The following HDX variants were observed in gnomAD, a reference collection of about 807,000 sequenced individuals.
HDX encodes chromosome X open reading frame 43.
In HDX, 19 loss-of-function variants were observed where a neutral mutation model predicts 45.2. The ratio of observed to expected loss-of-function variants is 0.42; its 90% CI spans 0.29 to 0.62. The LOEUF is 0.62. Ranked by LOEUF, HDX falls within the 20% of genes least tolerant of loss-of-function variation. The probability of loss-of-function intolerance (pLI) is 0.20; values close to 1 mark genes in which losing one functional copy is unlikely to be tolerated. For missense variants in HDX, 532 were observed against 493.9 expected, an observed-to-expected ratio of 1.08 and a Z score of -0.73; for synonymous variants, 188 against 172.8, an observed-to-expected ratio of 1.09 and a Z score of -0.69.
In HDX at chrX:84,347,443, T is replaced by C. The variant is rs111399986; in HGVS notation, c.1453-2986A>G. Among the ~76,000 whole-genome samples, 872 of 111,539 alleles carry C rather than the reference T, an allele frequency of 7.8e-3. 6 individuals carry two copies. Among genetic ancestry groups the C allele is most frequent in the African/African-American group, 0.027 (818 of 30,763 alleles). ...TTTCTAATGTATACATTAGGATAAA[T>C]TTTGCTCTCAGCACTACTTATCTGC... On this transcript the variant is annotated intron_variant, in intron 6 of 10. Coordinates refer to ENST00000373177, the MANE Select transcript of HDX (RefSeq NM_001177479.2).
At chrX:84,368,816 G>A (rs149858860) in intron 5 of HDX, among the ~76,000 whole-genome samples, 1,670 of 110,905 alleles carry the variant, frequency 0.015, 31 homozygotes, top group African/African-American at 0.052. Context: ...TTACCGGGGA[G>A]GAGGGTTTCA....
intron 5 of HDX, among the ~76,000 whole-genome samples, chrX:84,372,526 G>A (rs145565439): frequency 9.0e-6 from 1 of 111,637 alleles, no homozygotes; most frequent in African/African-American, 3.3e-5. Flanking sequence ...GTTTGACCAA[G>A]GATTCTGTAA....
chrX:84,391,081 A>G (rs1339962377), intron 5 of HDX, among the ~76,000 whole-genome samples: 2 of 111,797 alleles, frequency 1.8e-5, no homozygotes, highest in Admixed American at 9.5e-5. Context: ...GTATATTTGT[A>G]TCCATTAATA....
chrX:84,487,471 T>TA (rs200152966), intron 2 of HDX, among the ~76,000 whole-genome samples: 1,583 of 112,512 alleles, frequency 0.014, 9 homozygotes, highest in Non-Finnish European at 0.023. Context: ...ATACTTTTTT[T>TA]AAAAAACTTC....
chrX:84,367,254 T>C (rs957143993), intron 5 of HDX, among the ~76,000 whole-genome samples: 2 of 112,103 alleles, frequency 1.8e-5, no homozygotes, highest in Non-Finnish European at 3.8e-5. Flanking sequence ...TAAAAAAAGC[T>C]CATCATCACT....
At chrX:84,368,261 TA>T (rs1476141537) in intron 5 of HDX, among the ~76,000 whole-genome samples, 1 of 111,866 alleles carries the variant, frequency 8.9e-6, no homozygotes, top group Non-Finnish European at 1.9e-5. Flanking sequence ...TCTTTATTTT[TA>T]AAATTTCTAT....
intron 5 of HDX, among the ~76,000 whole-genome samples, chrX:84,432,852 A>G (rs1455778329): frequency 1.8e-5 from 2 of 110,696 alleles, no homozygotes; most frequent in Non-Finnish European, 3.8e-5. Flanking sequence ...CAGGACTTCC[A>G]GCACTATGTT....
rs1352840380 is a variant in HDX, at chrX:84,319,649, G to A, written c.*2240C>T. ...TTCTATTTTGATGAAATGTTAAACA[G>A]AGACAAAAAGATCATCTATGCTTTC... On this transcript the variant is annotated 3_prime_UTR_variant, in exon 11 of 11. Transcript: ENST00000373177. 1 of 111,315 alleles carries A rather than the reference G, an allele frequency of 9.0e-6. No individual in the cohort carries two copies. The highest frequency in any genetic ancestry group is 1.9e-5 in the Non-Finnish European group (1 of 52,567). 9.2% of individuals were successfully genotyped at this position (111,315 alleles called of 1,213,427 possible).
At chrX:84,322,090 C>A in intron 10 of HDX, 76 bp from the exon 11 acceptor site, 1 of 591,862 alleles carries the variant, frequency 1.7e-6, no homozygotes. Flanking sequence ...AGTTGTAGTC[C>A]TCCCATGGTG....
At chrX:84,444,607 C>T (rs528468606) in intron 4 of HDX, among the ~76,000 whole-genome samples, 45 of 110,830 alleles carry the variant, frequency 4.1e-4, no homozygotes, top group Non-Finnish European at 7.2e-4. Flanking sequence ...CTGGAGCTAA[C>T]GGAGAATTGC....
chrX:84,427,206 T>C (rs1171868806), intron 5 of HDX, among the ~76,000 whole-genome samples: 2 of 111,113 alleles, frequency 1.8e-5, no homozygotes, highest in Admixed American at 9.6e-5. Context: ...TCACACAAGC[T>C]TGATCTACAT....
intron 5 of HDX, among the ~76,000 whole-genome samples, chrX:84,437,995 C>G (rs1360148017): frequency 9.0e-6 from 1 of 111,036 alleles, no homozygotes; most frequent in Non-Finnish European, 1.9e-5. Flanking sequence ...TCTTCTTTGT[C>G]AGAGTTGCCA....
At chrX:84,471,812 T>G (rs17314204) in intron 3 of HDX, among the ~76,000 whole-genome samples, 9,674 of 109,833 alleles carry the variant, frequency 0.088, 468 homozygotes, top group South Asian at 0.28. Flanking sequence ...GAAAGATGTA[T>G]GAATATAAAT....
intron 5 of HDX, among the ~76,000 whole-genome samples, chrX:84,413,848 T>C (rs994503257): frequency 3.6e-5 from 4 of 111,449 alleles, no homozygotes; most frequent in Non-Finnish European, 7.5e-5. Flanking sequence ...CTGAAAACAA[T>C]GGAATTCATT....
chrX:84,357,240 G>GA (rs751034056), intron 6 of HDX, among the ~76,000 whole-genome samples: 1 of 111,532 alleles, frequency 9.0e-6, no homozygotes, highest in African/African-American at 3.2e-5. Flanking sequence ...GAGCAGATCA[G>GA]AAAAATGCCA....
At chrX:84,410,644 G>A (rs1252654976) in intron 5 of HDX, among the ~76,000 whole-genome samples, 4 of 110,898 alleles carry the variant, frequency 3.6e-5, no homozygotes, top group Non-Finnish European at 7.6e-5. Context: ...GTTGTGTTTC[G>A]GCCACATTTT....
intron 4 of HDX, among the ~76,000 whole-genome samples, chrX:84,467,896 A>C (rs2148134851): frequency 8.9e-6 from 1 of 112,206 alleles, no homozygotes; most frequent in African/African-American, 3.2e-5. Flanking sequence ...ATTCTTACTC[A>C]GAATATGTCT....
At chrX:84,423,483 C>CAAAAAAAAAA (rs538893311) in intron 5 of HDX, among the ~76,000 whole-genome samples, 1 of 59,498 alleles carries the variant, frequency 1.7e-5, no homozygotes. Flanking sequence ...ACAGAAACAT[C>CAAAAAAAAAA]AAAAAAAAAA....
At chrX:84,377,500 A>T (rs1303573218) in intron 5 of HDX, among the ~76,000 whole-genome samples, 1 of 111,770 alleles carries the variant, frequency 8.9e-6, no homozygotes, top group Non-Finnish European at 1.9e-5. Flanking sequence ...ATTCAAGCTC[A>T]TACAGAGAAG....
Sources: allele counts gnomAD v4.1 joint callset (sites outside exome capture counted in the v4.1 genomes callset), GRCh38; gene constraint gnomAD v4.1.1; transcripts MANE v1.5; gene names NCBI Gene and HGNC (gene_info 2026-07-23, HGNC 2026-07-21).